The following AKAP8L variants were observed in gnomAD, a reference collection of about 807,000 sequenced individuals.
AKAP8L encodes the protein A-kinase anchoring protein 8 like.
In AKAP8L, 34 loss-of-function variants were observed where a neutral mutation model predicts 77.5. The ratio of observed to expected loss-of-function variants is 0.44; its 90% confidence interval spans 0.33 to 0.58. The LOEUF is 0.58. Among genes scored for constraint, AKAP8L ranks in the 20% least tolerant of loss-of-function variants. The pLI is 0.02. For synonymous variants in AKAP8L, 342 were observed against 340.7 expected, an observed-to-expected ratio of 1.00 and a Z score of -0.04; for missense variants, 806 against 887.6, an observed-to-expected ratio of 0.91 and a Z score of 1.17.
intron 1 of AKAP8L, among the ~76,000 whole-genome samples, chr19:15,415,098 C>T (rs1323273239): frequency 6.6e-6 from 1 of 152,194 alleles, no homozygotes; most frequent in Non-Finnish European, 1.5e-5. Flanking sequence ...CAGCAACACT[C>T]CTTGCTTTTA....
At chr19:15,391,817 A>C (rs929116480) in intron 12 of AKAP8L, among the ~76,000 whole-genome samples, 2 of 152,076 alleles carry the variant, frequency 1.3e-5, no homozygotes, top group African/African-American at 4.8e-5. Flanking sequence ...GATTACAGGC[A>C]TGAGCCACTG....
At chr19:15,385,008 C>G (rs1359342396) in intron 12 of AKAP8L, among the ~76,000 whole-genome samples, 5 of 150,410 alleles carry the variant, frequency 3.3e-5, no homozygotes, top group Admixed American at 2.0e-4. Context: ...GACGGAGTCT[C>G]GCTCTGTTGC....
At position 15,398,122 on chromosome 19, in the gene AKAP8L, G is replaced by A. The variant is rs1315475914; in HGVS notation, c.1158-267C>T. ...GAGGCTGAAGCCTGAGACAGCAGCT[G>A]CTGCAACAGGCAACGAGTCGCTGGA... On this transcript the variant is annotated intron_variant, in intron 9 of 13. Transcript: ENST00000397410. This position sits in a 1 kb window ranked among gnomAD's most constrained non-coding sequence, Gnocchi z 9.2. The A allele has an allele frequency of 8.1e-6, 4 of 492,294 alleles. No individual in the cohort carries two copies. Among genetic ancestry groups the A allele is most frequent in the Non-Finnish European group, 1.5e-5 (4 of 271,214 alleles). 30.5% of individuals were successfully genotyped at this position (492,294 alleles called of 1,614,324 possible). A position where few individuals can be genotyped will look rare whatever the true frequency, so the allele number is the denominator to read the frequency against.
At chr19:15,389,085 G>A (rs1288519956) in intron 12 of AKAP8L, among the ~76,000 whole-genome samples, 3 of 148,994 alleles carry the variant, frequency 2.0e-5, no homozygotes, top group South Asian at 2.1e-4. Flanking sequence ...TTAGCCGGGC[G>A]TGGTGGTGGG....
chr19:15,397,133 G>C lies in AKAP8L; in HGVS notation c.1536+17C>G. ...AATCTACCCACAGGACAGAGGGAGAGCACTGTGGCCACTCACCCTGCGGTT... is the reference window on the plus strand; with the variant it reads ...AATCTACCCACAGGACAGAGGGAGACCACTGTGGCCACTCACCCTGCGGTT... On this transcript the variant is annotated intron_variant, in intron 12 of 13. Transcript: ENST00000397410. This position sits in a 1 kb window ranked among gnomAD's most constrained non-coding sequence, Gnocchi z 4.7. 6.2e-7 allele frequency: 1 copy of C among 1,613,218 alleles called. No homozygotes were observed. Among genetic ancestry groups the C allele is most frequent in the Middle Eastern group, 1.8e-4 (1 of 5,568 alleles).
chr19:15,398,086 C>T lies in AKAP8L; in HGVS notation c.1158-231G>A. On this transcript the variant is annotated intron_variant, in intron 9 of 13. Coordinates refer to ENST00000397410, the MANE Select transcript of AKAP8L (RefSeq NM_014371.4). The surrounding 1 kb of genome is among the most constrained non-coding windows in gnomAD (Gnocchi z 9.2). ...GGGGACAGGGGAGGAGCTCTTCCTT[C>T]CCACAGGCAGGAGGCTGAAGCCTGA... is the stretch of plus-strand genomic sequence containing the variant. 1 of 545,618 alleles carries T rather than the reference C, an allele frequency of 1.8e-6. No individual in the cohort carries two copies. Among genetic ancestry groups the T allele is most frequent in the Non-Finnish European group, 3.3e-6 (1 of 305,762 alleles). 33.8% of individuals were successfully genotyped at this position (545,618 alleles called of 1,614,324 possible). A position where few individuals can be genotyped will look rare whatever the true frequency, so the allele number is the denominator to read the frequency against.
chr19:15,391,632 G>A (rs564755790), intron 12 of AKAP8L, among the ~76,000 whole-genome samples: 32 of 150,200 alleles, frequency 2.1e-4, no homozygotes, highest in South Asian at 8.4e-4. Flanking sequence ...TCCGCCTCCC[G>A]GGTTCACGCC....
chr19:15,411,823 G>C (rs747768906), intron 1 of AKAP8L, among the ~76,000 whole-genome samples: 15 of 152,164 alleles, frequency 9.9e-5, no homozygotes, highest in East Asian at 7.7e-4. Context: ...GAGGCCAAGG[G>C]GGGGTGGACT....
At chr19:15,402,425 C>T (rs920406154) in intron 4 of AKAP8L, among the ~76,000 whole-genome samples, 11 of 152,178 alleles carry the variant, frequency 7.2e-5, no homozygotes, top group African/African-American at 9.7e-5. Flanking sequence ...CAAGAGGCAC[C>T]GGCAGCTCTA....
chr19:15,381,122 G>T (rs76730167), intron 12 of AKAP8L: 1 of 153,746 alleles, frequency 6.5e-6, no homozygotes, highest in Non-Finnish European at 1.4e-5. Flanking sequence ...CTGGTGGGAG[G>T]ATCAACTGTT....
chr19:15,389,929 C>T (rs936962430), intron 12 of AKAP8L, among the ~76,000 whole-genome samples: 58 of 145,652 alleles, frequency 4.0e-4, no homozygotes, highest in African/African-American at 1.4e-3. Context: ...TAGGTTAAAG[C>T]CGACTTCTCA....
intron 2 of AKAP8L, among the ~76,000 whole-genome samples, chr19:15,410,231 C>T (rs1376515381): frequency 3.3e-5 from 5 of 152,204 alleles, no homozygotes; most frequent in African/African-American, 4.8e-5. Context: ...GCAGGAGCCA[C>T]CGCGCCTGGC....
intron 12 of AKAP8L, among the ~76,000 whole-genome samples, chr19:15,382,268 C>G (rs1344454832): frequency 6.7e-6 from 1 of 148,408 alleles, no homozygotes; most frequent in Non-Finnish European, 1.5e-5. Context: ...TGCAGGGGCT[C>G]TCAGTTCACT....
intron 1 of AKAP8L, among the ~76,000 whole-genome samples, chr19:15,414,887 C>T (rs1403302844): frequency 1.3e-5 from 2 of 152,232 alleles, no homozygotes; most frequent in South Asian, 2.1e-4. Flanking sequence ...TGGCCTCAGC[C>T]TCCGGGGCTC....
chr19:15,394,904 T>G (rs1474262748), intron 12 of AKAP8L, among the ~76,000 whole-genome samples: 4 of 152,046 alleles, frequency 2.6e-5, no homozygotes, highest in Non-Finnish European at 5.9e-5. Context: ...GCCTTCTAAA[T>G]ATCTTTCATC....
Position 15,380,388 on chromosome 19 carries a change from G to A in AKAP8L, c.1675C>T (p.Gln559Ter), listed in dbSNP as rs1341778027. Residue 559 changes from glutamine to a stop codon, truncating the protein, a stop_gained, in exon 14 of 14, where the codon CAG becomes TAG. Coordinates refer to ENST00000397410, the MANE Select transcript of AKAP8L (RefSeq NM_014371.4). LOFTEE classifies it low-confidence loss of function (END_TRUNC). ...AGGGCACCGCCCTCAGCCTCCTCCT[G>A]CTCCTTCTCCTCCTCGGGGCTGTCG... Reference protein sequence around the residue: ...FTDSPEEEKEQEEAEGGALDE... With the variant: ...FTDSPEEEKE 2.5e-6 allele frequency: 4 copies of A among 1,583,804 alleles called. No individual in the cohort carries two copies. The highest frequency in any genetic ancestry group is 3.4e-6 in the Non-Finnish European group (4 of 1,167,386).
intron 7 of AKAP8L, 152 bp downstream of exon 7, chr19:15,400,642 T>C: frequency 1.0e-6 from 1 of 981,334 alleles, no homozygotes; most frequent in Non-Finnish European, 1.5e-6. Context: ...CTAGGCAGCC[T>C]GTGCTTTCTG....
At chr19:15,400,714 C>G in intron 7 of AKAP8L, 80 bp downstream of exon 7, 1 of 1,529,846 alleles carries the variant, frequency 6.5e-7, no homozygotes, top group Non-Finnish European at 9.0e-7. Context: ...AGCATTGCCT[C>G]TGGCCCCCAG....
At position 15,404,619 on chromosome 19, in the gene AKAP8L, T is replaced by G. The variant is rs373011409; in HGVS notation, c.89-577A>C. Reference sequence around the variant, plus strand: ...ATAAAGCCACTGAGAAGTGACAAAGTGTAAAGTCCCCTGGGAACTCTGAGT... The same window carrying G: ...ATAAAGCCACTGAGAAGTGACAAAGGGTAAAGTCCCCTGGGAACTCTGAGT... On this transcript the variant is annotated intron_variant, in intron 2 of 13. Transcript: ENST00000397410. Among the ~76,000 whole-genome samples, 8 of 152,156 alleles carry G rather than the reference T, an allele frequency of 5.3e-5. No individual in the cohort carries two copies. In the East Asian group the frequency reaches 1.5e-3, roughly 29 times the overall value.
Sources: allele counts gnomAD v4.1 joint callset (sites outside exome capture counted in the v4.1 genomes callset), GRCh38; gene constraint gnomAD v4.1.1; non-coding constraint Gnocchi (gnomAD v3.1); transcripts MANE v1.5; gene names NCBI Gene and HGNC (gene_info 2026-07-23, HGNC 2026-07-21).